SLC6A13: variants seen among roughly 807,000 people sequenced by gnomAD.
SLC6A13 encodes solute carrier family 6 member 13, also known as sodium- and chloride-dependent GABA transporter 2.
A neutral mutation model predicts 72.9 loss-of-function variants in SLC6A13; 69 were observed. The ratio of observed to expected loss-of-function variants is 0.95; its 90% CI spans 0.78 to 1.16. The LOEUF (loss-of-function observed/expected upper bound fraction) is 1.16. Among genes scored for constraint, SLC6A13 ranks in the 50% most tolerant of loss-of-function variants. SLC6A13 has a pLI of 0.00. For missense variants in SLC6A13, 735 were observed against 760.5 expected (o/e 0.97, Z 0.39); for synonymous variants, 303 against 303.0 (o/e 1.00, Z 0.00).
chr12:241,176 C>A (rs548890763), intron 4 of SLC6A13, among the ~76,000 whole-genome samples: 1 of 152,028 alleles, frequency 6.6e-6, no homozygotes, highest in Non-Finnish European at 1.5e-5. Context: ...TGTTGGCAGG[C>A]GCCTGTAATC....
chr12:244,654 C>T (rs760452758), intron 2 of SLC6A13, among the ~76,000 whole-genome samples: 3 of 152,058 alleles, frequency 2.0e-5, no homozygotes, highest in Non-Finnish European at 4.4e-5. Flanking sequence ...TGTGCCACTG[C>T]CCTCCCTCCA....
chr12:228,580 A>G (rs1259759934), intron 7 of SLC6A13, among the ~76,000 whole-genome samples: 1 of 151,950 alleles, frequency 6.6e-6, no homozygotes, highest in Non-Finnish European at 1.5e-5. Context: ...GCTTTCCACA[A>G]AACCCTCTAT....
chr12:241,806 G>A (rs1353043988), intron 4 of SLC6A13, among the ~76,000 whole-genome samples: 1 of 152,236 alleles, frequency 6.6e-6, no homozygotes, highest in African/African-American at 2.4e-5. Flanking sequence ...GGGTGGCTCA[G>A]GTAGTCGTAT....
At chr12:226,159 G>T (rs2137257469) in intron 9 of SLC6A13, among the ~76,000 whole-genome samples, 1 of 152,298 alleles carries the variant, frequency 6.6e-6, no homozygotes, top group South Asian at 2.1e-4. Flanking sequence ...GCTGCTTCCA[G>T]GGTAATGAAC....
intron 2 of SLC6A13, among the ~76,000 whole-genome samples, chr12:248,172 G>T (rs898627420): frequency 5.3e-5 from 8 of 152,044 alleles, no homozygotes; most frequent in Non-Finnish European, 7.4e-5. Flanking sequence ...AAAAGGCAGA[G>T]ATTGTTAGAC....
In SLC6A13 at chr12:254,463, G is replaced by A. The variant is rs1417258020; in HGVS notation, c.202+5388C>T. 6.6e-6 allele frequency among the ~76,000 whole-genome samples: 1 copy of A among 152,124 alleles called. No individual in the cohort carries two copies. The highest frequency in any genetic ancestry group is 2.4e-5 in the African/African-American group (1 of 41,412). ...TCTTATCATCAATGACTTCCCAGCTGCTAAAACCAACAATCAATTTCCTTT... is the reference window on the plus strand; with the variant it reads ...TCTTATCATCAATGACTTCCCAGCTACTAAAACCAACAATCAATTTCCTTT... On this transcript the variant is annotated intron_variant, in intron 2 of 14. Coordinates refer to ENST00000343164, the MANE Select transcript of SLC6A13 (RefSeq NM_016615.5). This position sits in a 1 kb window ranked among gnomAD's most constrained non-coding sequence, Gnocchi z 4.4.
intron 13 of SLC6A13, 115 bp from the exon 14 acceptor site, chr12:221,661 C>T (rs1941217540): frequency 3.0e-6 from 2 of 677,520 alleles, no homozygotes; most frequent in South Asian, 3.8e-5. Flanking sequence ...TTCCCTCTAG[C>T]TCTTCTGGAC....
chr12:229,772 G>A (rs531909856), intron 7 of SLC6A13, among the ~76,000 whole-genome samples: 7 of 152,186 alleles, frequency 4.6e-5, no homozygotes, highest in East Asian at 1.9e-4. Context: ...GAAACACGCC[G>A]CGGCTGCCCA....
intron 2 of SLC6A13, among the ~76,000 whole-genome samples, chr12:244,525 A>G (rs1197567445): frequency 1.3e-5 from 2 of 151,904 alleles, no homozygotes; most frequent in East Asian, 3.9e-4. Flanking sequence ...TCTGTCTCTA[A>G]AAGAAATACA....
chr12:233,628 G>A lies in SLC6A13; in HGVS notation c.831+1462C>T, dbSNP rs139736651. Among the ~76,000 whole-genome samples, 20 of 152,286 alleles carry A rather than the reference G, an allele frequency of 1.3e-4. No homozygotes were observed. The East Asian group carries it at 3.5e-3, about 26-fold the overall frequency. On this transcript the variant is annotated intron_variant, in intron 7 of 14. Coordinates refer to ENST00000343164, the MANE Select transcript of SLC6A13 (RefSeq NM_016615.5). ...GGCAGATTGAGGGGTAAGAATTAAAGAGGAAGCTCAGTAGGAGATGAGCTC... is the reference window on the plus strand; with the variant it reads ...GGCAGATTGAGGGGTAAGAATTAAAAAGGAAGCTCAGTAGGAGATGAGCTC...
chr12:227,518 A>G, intron 8 of SLC6A13, 47 bp downstream of exon 8: 1 of 1,611,228 alleles, frequency 6.2e-7, no homozygotes, highest in East Asian at 2.2e-5. Flanking sequence ...CTGGAAGGAC[A>G]GTAGAGAGAT....
intron 9 of SLC6A13, among the ~76,000 whole-genome samples, chr12:224,990 G>A (rs578057555): frequency 2.6e-5 from 4 of 152,314 alleles, no homozygotes; most frequent in South Asian, 2.1e-4. Context: ...CAAAAAAATC[G>A]CTCCAAGGCC....
chr12:244,006 C>T (rs574030372), intron 2 of SLC6A13, among the ~76,000 whole-genome samples, 193 bp from the exon 3 acceptor site: 12 of 152,350 alleles, frequency 7.9e-5, no homozygotes, highest in African/African-American at 2.9e-4. Context: ...CTAAGATCTA[C>T]ACAGCCTCTT....
chr12:261,603 C>T (rs1942928433), intron 1 of SLC6A13, among the ~76,000 whole-genome samples: 1 of 152,246 alleles, frequency 6.6e-6, no homozygotes. Flanking sequence ...GCCACAGACT[C>T]TACTTTGGCT....
At chr12:229,231 G>A (rs533338404) in intron 7 of SLC6A13, among the ~76,000 whole-genome samples, 1 of 152,302 alleles carries the variant, frequency 6.6e-6, no homozygotes, top group South Asian at 2.1e-4. Context: ...ATGAAGGACA[G>A]ACCCTGGGAC....
chr12:221,206 CCT>C lies in SLC6A13; in HGVS notation c.1687-138_1687-137del, dbSNP rs528052953. 3.1e-4 allele frequency: 418 copies of C among 1,344,414 alleles called. 6 individuals are homozygous for C. The East Asian group carries it at 9.8e-3, about 32-fold the overall frequency. The allele number at this position is 1,344,414 out of a possible 1,614,324, so 83.3% of individuals were successfully genotyped here. A position where few individuals can be genotyped will look rare whatever the true frequency, so the allele number is the denominator to read the frequency against. On this transcript the variant is annotated intron_variant, in intron 14 of 14. Coordinates refer to ENST00000343164, the MANE Select transcript of SLC6A13 (RefSeq NM_016615.5). ...ATCACAGCCCCTGTCTGGGAGTCCC[CCT>C]GTGTCTTCCCGAGACTTCTCAGCAG...
intron 2 of SLC6A13, among the ~76,000 whole-genome samples, chr12:247,369 A>G (rs570495425): frequency 2.6e-4 from 39 of 152,336 alleles, no homozygotes; most frequent in African/African-American, 9.1e-4. Flanking sequence ...ACAGACAAAG[A>G]TAAGAATAAC....
At chr12:251,028 C>CT (rs1341499987) in intron 2 of SLC6A13, among the ~76,000 whole-genome samples, 2 of 151,718 alleles carry the variant, frequency 1.3e-5, no homozygotes, top group Non-Finnish European at 2.9e-5. Flanking sequence ...TGGTGGTGGG[C>CT]ACCTGTAGTC....
chr12:241,386 T>A (rs1591846137), intron 4 of SLC6A13, among the ~76,000 whole-genome samples: 1 of 152,192 alleles, frequency 6.6e-6, no homozygotes, highest in South Asian at 2.1e-4. Context: ...TGTTGACTGG[T>A]GCTGGAAGAT....
Sources: gnomAD v4.1 joint callset for allele counts (sites outside exome capture counted in the v4.1 genomes callset) on GRCh38, gnomAD v4.1.1 for gene constraint, Gnocchi (gnomAD v3.1) non-coding constraint, MANE v1.5 for transcripts, NCBI Gene and HGNC (gene_info 2026-07-23, HGNC 2026-07-21) for gene names.